The following CLRN1 variants were observed in gnomAD, a reference collection of about 807,000 sequenced individuals.
CLRN1 encodes the protein clarin-1.
In CLRN1, 15 loss-of-function variants were observed where a neutral mutation model predicts 18.7. The ratio of observed to expected loss-of-function variants is 0.80; its 90% CI spans 0.54 to 1.23. CLRN1 has a LOEUF of 1.23. Ranked by LOEUF, CLRN1 falls within the 50% of genes most tolerant of loss-of-function variation. CLRN1 has a pLI of 0.00. For synonymous variants in CLRN1, 104 were observed against 102.9 expected (o/e 1.01, Z -0.07); for missense variants, 311 against 277.5 (o/e 1.12, Z -0.86).
chr3:150,947,291 A>G (rs1714227031), intron 1 of CLRN1, among the ~76,000 whole-genome samples: 1 of 151,014 alleles, frequency 6.6e-6, no homozygotes, highest in South Asian at 2.1e-4. Context: ...CAAACCAACA[A>G]AGAAAAAAAA....
At chr3:150,961,473 T>G (rs1355645443) in intron 1 of CLRN1, among the ~76,000 whole-genome samples, 1 of 152,204 alleles carries the variant, frequency 6.6e-6, no homozygotes, top group Non-Finnish European at 1.5e-5. Context: ...CCTTTTTGCC[T>G]TCATCTGGCC....
At chr3:150,932,782 G>A (rs1713230388) in intron 2 of CLRN1, among the ~76,000 whole-genome samples, 1 of 152,200 alleles carries the variant, frequency 6.6e-6, no homozygotes, top group Non-Finnish European at 1.5e-5. Flanking sequence ...CTGCTCCAGA[G>A]ACCGATGGCT....
At chr3:150,958,478 A>G (rs1466348398) in intron 1 of CLRN1, among the ~76,000 whole-genome samples, 2 of 152,178 alleles carry the variant, frequency 1.3e-5, no homozygotes. Context: ...TAACTGCCTG[A>G]CAGTGAACAC....
chr3:150,941,358 T>A (rs1302024999), intron 2 of CLRN1: 1 of 492,282 alleles, frequency 2.0e-6, no homozygotes, highest in Non-Finnish European at 3.6e-6. Flanking sequence ...AAAAATATAA[T>A]TTAATGTCAG....
chr3:150,933,444 A>C (rs1713276657), intron 2 of CLRN1, among the ~76,000 whole-genome samples: 1 of 152,022 alleles, frequency 6.6e-6, no homozygotes, highest in African/African-American at 2.4e-5. Flanking sequence ...ATCTTGAGAG[A>C]AGTGAGGGAG....
At chr3:150,951,673 T>C (rs1559987488) in intron 1 of CLRN1, among the ~76,000 whole-genome samples, 1 of 152,122 alleles carries the variant, frequency 6.6e-6, no homozygotes, top group East Asian at 1.9e-4. Context: ...TGAGGTTTAA[T>C]TGGCTCACAG....
At chr3:150,940,086 C>A (rs985078034) in intron 2 of CLRN1, among the ~76,000 whole-genome samples, 1 of 152,246 alleles carries the variant, frequency 6.6e-6, no homozygotes, top group African/African-American at 2.4e-5. Context: ...TTCAAGTCAG[C>A]AAATTCATAT....
downstream of CLRN1, chr3:150,926,487 A>T (rs1216239958): frequency 1.8e-5 from 7 of 398,030 alleles, no homozygotes; most frequent in Non-Finnish European, 3.3e-5. Flanking sequence ...CCAAAAAAAA[A>T]AAATCCCCTT....
intron 2 of CLRN1, chr3:150,940,450 G>GA (rs1166928203): frequency 4.6e-6 from 7 of 1,530,650 alleles, no homozygotes; most frequent in Non-Finnish European, 6.1e-6. Context: ...TTGTATGAGA[G>GA]AAGGGAGTAG....
chr3:150,950,538 A>G (rs935189826), intron 1 of CLRN1, among the ~76,000 whole-genome samples: 1 of 152,262 alleles, frequency 6.6e-6, no homozygotes, highest in African/African-American at 2.4e-5. Context: ...CCTGCAGCCA[A>G]CGAACATGAA....
intron 1 of CLRN1, among the ~76,000 whole-genome samples, chr3:150,966,396 A>G (rs1715265123): frequency 6.6e-6 from 1 of 152,248 alleles, no homozygotes; most frequent in Non-Finnish European, 1.5e-5. Flanking sequence ...TTAAGAAGTT[A>G]GATTTAGGAA....
chr3:150,966,137 C>T (rs774118406), intron 1 of CLRN1, among the ~76,000 whole-genome samples: 53 of 152,246 alleles, frequency 3.5e-4, no homozygotes, highest in Admixed American at 1.4e-3. Context: ...CTGGGCAACC[C>T]CATCTCTACA....
intron 1 of CLRN1, chr3:150,945,626 G>A (rs1431851535): frequency 7.0e-6 from 9 of 1,286,454 alleles, no homozygotes; most frequent in Admixed American, 4.6e-5. Context: ...TCACTCAGGA[G>A]TCATGGCCAG....
In CLRN1 at chr3:150,927,879, T is replaced by C. The variant is rs747852554; in HGVS notation, c.*57A>G. On this transcript the variant is annotated 3_prime_UTR_variant, in exon 3 of 3. Transcript: ENST00000327047. Reference sequence around the variant, plus strand: ...AAAAGGATATGCAAAATTAACCACATCTAAAAGTGACCAAAGCAAGTCTAC... The same window carrying C: ...AAAAGGATATGCAAAATTAACCACACCTAAAAGTGACCAAAGCAAGTCTAC... The C allele has an allele frequency of 2.4e-5, 38 of 1,603,772 alleles. No individual in the cohort carries two copies. Among genetic ancestry groups the C allele is most frequent in the Non-Finnish European group, 2.9e-5 (34 of 1,171,844 alleles).
At chr3:150,941,473 G>A (rs1713835721) in intron 2 of CLRN1, 109 bp downstream of exon 2, 7 of 1,089,470 alleles carry the variant, frequency 6.4e-6, no homozygotes, top group Non-Finnish European at 9.6e-6. Context: ...TAATACTACA[G>A]TGTGCATCCA....
chr3:150,970,517 G>GAAAA (rs11464588), intron 1 of CLRN1, among the ~76,000 whole-genome samples: 1 of 144,144 alleles, frequency 6.9e-6, no homozygotes, highest in Admixed American at 6.9e-5. Context: ...TTATGCTTAG[G>GAAAA]AAAAAAAAAA....
rs749014425 is a variant in CLRN1 at position 150,927,917 on chromosome 3, T to G, written c.*19A>C. The G allele has an allele frequency of 3.7e-6, 6 of 1,613,794 alleles. No individual in the cohort carries two copies. In the East Asian group the frequency reaches 1.1e-4, roughly 30 times the overall value. On this transcript the variant is annotated 3_prime_UTR_variant, in exon 3 of 3. Coordinates refer to ENST00000327047, the MANE Select transcript of CLRN1 (RefSeq NM_174878.3). ...AAAGCAAGTCTACTCCCTTGTAAAA[T>G]TATAGAAAGGTTTGCCTTTCAGTAC...
At chr3:150,951,856 C>G (rs1576638503) in intron 1 of CLRN1, among the ~76,000 whole-genome samples, 1 of 152,288 alleles carries the variant, frequency 6.6e-6, no homozygotes, top group East Asian at 1.9e-4. Flanking sequence ...AACTCACTCA[C>G]TATACAGTAC....
intron 1 of CLRN1, among the ~76,000 whole-genome samples, chr3:150,953,680 G>C (rs1011957391): frequency 6.6e-6 from 1 of 151,988 alleles, no homozygotes; most frequent in Non-Finnish European, 1.5e-5. Context: ...ACCAAGCCCA[G>C]CTAATTTTTG....
Sources: gnomAD v4.1 joint callset for allele counts (sites outside exome capture counted in the v4.1 genomes callset) on GRCh38, gnomAD v4.1.1 for gene constraint, MANE v1.5 for transcripts, NCBI Gene and HGNC (gene_info 2026-07-23, HGNC 2026-07-21) for gene names.